Variants in AP2S1 observed in about 807,000 individuals in gnomAD.
AP2S1 encodes the protein AP-2 complex subunit sigma.
In AP2S1, 6 loss-of-function variants were observed where a neutral mutation model predicts 21.0. The ratio of observed to expected loss-of-function variants is 0.29; its 90% confidence interval spans 0.16 to 0.56. AP2S1 has a LOEUF of 0.56. AP2S1 is among the 20% of genes least tolerant of loss of function. AP2S1 has a pLI of 0.92. For synonymous variants in AP2S1, 63 were observed against 74.6 expected (o/e 0.84, Z 0.80); for missense variants, 60 against 186.2 (o/e 0.32, Z 3.95).
chr19:46,845,218 C>A (rs1473677910), intron 2 of AP2S1, among the ~76,000 whole-genome samples: 1 of 151,562 alleles, frequency 6.6e-6, no homozygotes, highest in Non-Finnish European at 1.5e-5. Context: ...ACCAGCCTGG[C>A]CAACATGGTG....
intron 1 of AP2S1, among the ~76,000 whole-genome samples, chr19:46,846,446 T>G (rs995541726): frequency 2.1e-5 from 3 of 144,288 alleles, no homozygotes. Flanking sequence ...TCTCTGTTTT[T>G]TTTTTTTTTT....
intron 2 of AP2S1, among the ~76,000 whole-genome samples, chr19:46,842,214 G>A (rs930566672): frequency 1.3e-5 from 2 of 151,902 alleles, no homozygotes; most frequent in South Asian, 2.1e-4. Flanking sequence ...GGGATAGCCC[G>A]CATCTTCCAG....
intron 3 of AP2S1, among the ~76,000 whole-genome samples, chr19:46,839,075 T>A (rs572736551): frequency 1.8e-4 from 28 of 151,516 alleles, no homozygotes; most frequent in African/African-American, 3.4e-4. Context: ...TGACTTGAAG[T>A]TAGGAGTGCA....
Position 46,850,827 on chromosome 19 carries a change from A to G in AP2S1, c.-61T>C. 1 of 1,509,610 alleles carries G rather than the reference A, an allele frequency of 6.6e-7. No individual in the cohort carries two copies. The allele number at this position is 1,509,610 out of a possible 1,614,324, so 93.5% of individuals were successfully genotyped here. A position where few individuals can be genotyped will look rare whatever the true frequency, so the allele number is the denominator to read the frequency against. ...CGCGGCGACTGGGCAGCTCCGGCTC[A>G]GGGTGCAGTTGTAGGGCCCAGAGCT... On this transcript the variant is annotated 5_prime_UTR_variant, in exon 1 of 5. Coordinates refer to ENST00000263270, the MANE Select transcript of AP2S1 (RefSeq NM_004069.6).
chr19:46,838,971 C>T lies in AP2S1; in HGVS notation c.268-172G>A, dbSNP rs947659306. On this transcript the variant is annotated intron_variant, in intron 3 of 4. Coordinates refer to ENST00000263270, the MANE Select transcript of AP2S1 (RefSeq NM_004069.6). The surrounding 1 kb of genome is among the most constrained non-coding windows in gnomAD (Gnocchi z 4.1). ...AGGCAAGGAGACACACAGAGAGAAA[C>T]AAAAGCAAAGATCGATGCAAAGAGA... Among the ~76,000 whole-genome samples, 7 of 151,702 alleles carry T rather than the reference C, an allele frequency of 4.6e-5. No individual in the cohort carries two copies. The highest frequency in any genetic ancestry group is 1.7e-4 in the African/African-American group (7 of 41,272).
rs1267655506 is a variant in AP2S1 at position 46,850,620 on chromosome 19, C to A, written c.3+144G>T. On this transcript the variant is annotated intron_variant, in intron 1 of 4. Transcript: ENST00000263270. ...CCGCCCTGTGCCCTCCTTCCCGGCC[C>A]TGGATCGGTCCCAATCCCCAGAGCC... The A allele has an allele frequency of 5.1e-6, 4 of 788,602 alleles. No homozygotes were observed. The South Asian group carries it at 6.7e-5, about 13-fold the overall frequency. 48.9% of individuals were successfully genotyped at this position (788,602 alleles called of 1,614,324 possible). A position where few individuals can be genotyped will look rare whatever the true frequency, so the allele number is the denominator to read the frequency against.
At chr19:46,844,971 G>A (rs533049484) in intron 2 of AP2S1, among the ~76,000 whole-genome samples, 6 of 151,554 alleles carry the variant, frequency 4.0e-5, no homozygotes, top group East Asian at 3.9e-4. Context: ...GCGTGGTGGC[G>A]AGCACCTGTA....
Position 46,838,414 on chromosome 19 carries a change from A to C in AP2S1, c.*33T>G, listed in dbSNP as rs376797703. The C allele has an allele frequency of 6.2e-6, 10 of 1,603,274 alleles. No homozygotes were observed. Among genetic ancestry groups the C allele is most frequent in the Non-Finnish European group, 6.8e-6 (8 of 1,171,344 alleles). ...GGGGAAGCGAGCAGGCGAGTCCAGG[A>C]GGGGCCGGGGCCGGGGTGGGGCTCG... is the stretch of plus-strand genomic sequence containing the variant. On this transcript the variant is annotated 3_prime_UTR_variant, in exon 5 of 5. Transcript: ENST00000263270. The surrounding 1 kb of genome is among the most constrained non-coding windows in gnomAD (Gnocchi z 4.1).
chr19:46,839,424 G>GCCCCCCCCC, intron 3 of AP2S1, 41 bp downstream of exon 3: 2 of 1,504,484 alleles, frequency 1.3e-6, no homozygotes, highest in Non-Finnish European at 9.2e-7. Flanking sequence ...CTCCAGGGCT[G>GCCCCCCCCC]CCCACCCGCC....
At chr19:46,840,124 C>T (rs1043565139) in intron 2 of AP2S1, among the ~76,000 whole-genome samples, 1 of 152,028 alleles carries the variant, frequency 6.6e-6, no homozygotes, top group Non-Finnish European at 1.5e-5. Context: ...ACCACTGCCA[C>T]CAAGACGATC....
At chr19:46,841,535 C>T (rs142438709) in intron 2 of AP2S1, among the ~76,000 whole-genome samples, 30 of 152,328 alleles carry the variant, frequency 2.0e-4, no homozygotes, top group African/African-American at 6.5e-4. Flanking sequence ...GAACATCCCA[C>T]GCCACTGCCC....
At chr19:46,839,158 G>A (rs988890409) in intron 3 of AP2S1, among the ~76,000 whole-genome samples, 13 of 151,622 alleles carry the variant, frequency 8.6e-5, no homozygotes, top group Non-Finnish European at 1.3e-4. Flanking sequence ...ATCGTGGCGT[G>A]TGCCTGTAAT....
rs768957915 is a variant in AP2S1 at position 46,838,452 on chromosome 19, C to T, written c.424G>A (p.Glu142Lys). The change falls in exon 5 of 5, where the codon GAG (glutamate) becomes AAG (lysine). Residue 142 changes from glutamate (E) to lysine (K), a missense_variant. By Grantham distance (56) the Glu-to-Lys change is moderately conservative (BLOSUM62 1). Coordinates refer to ENST00000263270, the MANE Select transcript of AP2S1 (RefSeq NM_004069.6). The surrounding 1 kb of genome is among the most constrained non-coding windows in gnomAD (Gnocchi z 4.1). Reference sequence around the variant, plus strand: ...GGGGTGGGGCTCGCCTGCCCTCACTCCAGGGACTGTAGCATCAGCAGCTGT... The same window carrying T: ...GGGGTGGGGCTCGCCTGCCCTCACTTCAGGGACTGTAGCATCAGCAGCTGT... ...LKQLLMLQSL[E>K] 6.2e-7 allele frequency: 1 copy of T among 1,614,132 alleles called. No individual in the cohort carries two copies.
At chr19:46,839,688 G>C (rs1330538267) in intron 2 of AP2S1, 110 bp from the exon 3 acceptor site, 2 of 1,531,344 alleles carry the variant, frequency 1.3e-6, no homozygotes. Context: ...CCGAGGCCCA[G>C]CTCTGTGCCT....
chr19:46,842,994 C>T (rs898104037), intron 2 of AP2S1, among the ~76,000 whole-genome samples: 4 of 152,144 alleles, frequency 2.6e-5, no homozygotes. Context: ...CTCGTCACTT[C>T]TTCCTGGACA....
At chr19:46,843,665 G>A (rs1310932537) in intron 2 of AP2S1, among the ~76,000 whole-genome samples, 1 of 152,042 alleles carries the variant, frequency 6.6e-6, no homozygotes, top group Non-Finnish European at 1.5e-5. Flanking sequence ...AGAGGTTGCA[G>A]TGAGCTGAGA....
intron 2 of AP2S1, among the ~76,000 whole-genome samples, chr19:46,840,329 C>T (rs896327163): frequency 1.4e-5 from 2 of 139,130 alleles, no homozygotes; most frequent in Admixed American, 1.6e-4. Context: ...CCTGAAAATC[C>T]AGTTCAGTTC....
intron 1 of AP2S1, 196 bp downstream of exon 1, chr19:46,850,568 C>T (rs2055720156): frequency 3.2e-6 from 2 of 626,864 alleles, no homozygotes; most frequent in Admixed American, 3.5e-5. Flanking sequence ...GCCGCGAGAC[C>T]CCTGGTAACC....
intron 1 of AP2S1, among the ~76,000 whole-genome samples, chr19:46,849,260 C>T (rs1281194157): frequency 6.6e-6 from 1 of 152,040 alleles, no homozygotes; most frequent in African/African-American, 2.4e-5. Context: ...CCTGCCTCAG[C>T]CTCCCAAAGT....
Sources: gnomAD v4.1 joint callset for allele counts (sites outside exome capture counted in the v4.1 genomes callset) on GRCh38, gnomAD v4.1.1 for gene constraint, Gnocchi (gnomAD v3.1) non-coding constraint, MANE v1.5 for transcripts, NCBI Gene and HGNC (gene_info 2026-07-23, HGNC 2026-07-21) for gene names.